WDFY4: variants seen among roughly 807,000 people sequenced by gnomAD.
The protein encoded by WDFY4 is WD repeat- and FYVE domain-containing protein 4.
Under a neutral mutation model 351.9 loss-of-function variants are expected in WDFY4, and 169 were observed. The observed-to-expected ratio is 0.48, with a 90% CI of 0.42 to 0.55. WDFY4 has a LOEUF of 0.55. WDFY4 is among the 20% of genes least tolerant of loss of function. The pLI, the probability that WDFY4 is intolerant of heterozygous loss-of-function variation, is 0.00. For synonymous variants in WDFY4, 1,622 were observed against 1,574.6 expected, an observed-to-expected ratio of 1.03 and a Z score of -0.71; for missense variants, 3,803 against 3,935.6, an observed-to-expected ratio of 0.97 and a Z score of 0.90.
At chr10:48,780,237 G>T (rs113792355) in intron 19 of WDFY4, 118 bp downstream of exon 19, 1 of 1,304,032 alleles carries the variant, frequency 7.7e-7, no homozygotes, top group African/African-American at 1.5e-5. Context: ...TTTATTACTG[G>T]TAGGGTTGGC....
chr10:48,943,307 C>T (rs1361074679), intron 48 of WDFY4, 23 bp from the exon 49 acceptor site: 1 of 1,550,848 alleles, frequency 6.4e-7, no homozygotes, highest in Non-Finnish European at 8.7e-7. Flanking sequence ...TTTGGTTTAT[C>T]CCCTTTCTGT....
intron 56 of WDFY4, among the ~76,000 whole-genome samples, chr10:48,969,867 A>G (rs559768192): frequency 6.6e-6 from 1 of 151,758 alleles, no homozygotes; most frequent in Admixed American, 6.6e-5. Flanking sequence ...CTCCCTCCTG[A>G]CCCCCAAGCT....
intron 1 of WDFY4, among the ~76,000 whole-genome samples, chr10:48,700,462 T>C (rs370502043): frequency 2.0e-5 from 3 of 152,244 alleles, no homozygotes; most frequent in East Asian, 3.8e-4. Context: ...TTGTTTACAA[T>C]AGTGTTCCTC....
At chr10:48,923,995 GTGA>G (rs1839351897) in intron 47 of WDFY4, among the ~76,000 whole-genome samples, 1 of 152,206 alleles carries the variant, frequency 6.6e-6, no homozygotes, top group South Asian at 2.1e-4. Context: ...CTGATGAATG[GTGA>G]TGAGGAAGCA....
intron 12 of WDFY4, among the ~76,000 whole-genome samples, chr10:48,748,106 C>T (rs2065068207): frequency 6.6e-6 from 1 of 152,180 alleles, no homozygotes; most frequent in African/African-American, 2.4e-5. Context: ...TGCCTGGGCA[C>T]CCTGATAACA....
chr10:48,822,550 C>A lies in WDFY4; in HGVS notation c.5982+13C>A. 1 of 1,520,660 alleles carries A rather than the reference C, an allele frequency of 6.6e-7. No homozygotes were observed. Among genetic ancestry groups the A allele is most frequent in the Non-Finnish European group, 8.9e-7 (1 of 1,127,660 alleles). The allele number at this position is 1,520,660 out of a possible 1,614,324, so 94.2% of individuals were successfully genotyped here. A position where few individuals can be genotyped will look rare whatever the true frequency, so the allele number is the denominator to read the frequency against. ...GCACATCATGGTGGTAAGAGCTGCTCACTGACCGGGTATCTGTGTGGATCT... is the reference window on the plus strand; with the variant it reads ...GCACATCATGGTGGTAAGAGCTGCTAACTGACCGGGTATCTGTGTGGATCT... On this transcript the variant is annotated intron_variant, in intron 35 of 61. Coordinates refer to ENST00000325239, the MANE Select transcript of WDFY4 (RefSeq NM_001394531.1).
At position 48,828,862 on chromosome 10, in the gene WDFY4, A is replaced by C. The variant is rs776343288; in HGVS notation, c.6306A>C (p.Lys2102Asn). ...QVFLSPNEDV[K>N]EKREDLPSLS... ...TCCTTTCCCCAAATGAAGACGTGAA[A>C]GAAAAAAGAGAAGACTTACCAAGTT... Residue 2102 changes from lysine (K) to asparagine (N), a missense_variant, in exon 37 of 62, where the codon AAA (lysine) becomes AAC (asparagine). Lys to Asn is a moderately conservative substitution (Grantham distance 94). Around this residue, in one of 3 missense-constraint regions of WDFY4, gnomAD observed 3,054 missense variants for 3,148.6 expected, o/e 0.97. Transcript: ENST00000325239. The C allele has an allele frequency of 6.7e-7, 1 of 1,485,756 alleles. No homozygotes were observed. The highest frequency in any genetic ancestry group is 1.2e-5 in the South Asian group (1 of 82,052). 92.0% of individuals were successfully genotyped at this position (1,485,756 alleles called of 1,614,324 possible).
chr10:48,710,760 C>T (rs1188172796), intron 2 of WDFY4, among the ~76,000 whole-genome samples: 1 of 152,232 alleles, frequency 6.6e-6, no homozygotes, highest in African/African-American at 2.4e-5. Context: ...AGCACCAGAG[C>T]TTCACTCACA....
intron 12 of WDFY4, chr10:48,745,602 C>T: frequency 3.8e-6 from 2 of 522,828 alleles, no homozygotes; most frequent in Non-Finnish European, 3.6e-6. Context: ...TCTTTTTGGC[C>T]TGTTTCTGCA....
chr10:48,943,598 C>CTT (rs373976945), intron 49 of WDFY4, 149 bp downstream of exon 49: 987 of 643,172 alleles, frequency 1.5e-3, no homozygotes, highest in East Asian at 2.1e-3. Context: ...GCTCAGATCT[C>CTT]TTTTTTTTTT....
chr10:48,690,246 G>A (rs930784215), intron 1 of WDFY4, among the ~76,000 whole-genome samples: 3 of 152,236 alleles, frequency 2.0e-5, no homozygotes, highest in South Asian at 2.1e-4. Flanking sequence ...GATCCATCAG[G>A]AGGATGCTCC....
At position 48,727,615 on chromosome 10, in the gene WDFY4, T is replaced by G; in HGVS notation, c.927T>G (p.Phe309Leu). 6.4e-7 allele frequency: 1 copy of G among 1,552,028 alleles called. No individual in the cohort carries two copies. The highest frequency in any genetic ancestry group is 8.7e-7 in the Non-Finnish European group (1 of 1,147,064). Residue 309 changes from phenylalanine (F) to leucine (L), a missense_variant, in exon 7 of 62, where the codon TTT becomes TTG. Physicochemically the swap from Phe to Leu is conservative, Grantham distance 22 (BLOSUM62 0). Coordinates refer to ENST00000325239, the MANE Select transcript of WDFY4 (RefSeq NM_001394531.1). Reference protein sequence around the residue: ...YPVSSALFLEFENSEGYPLLL... With the variant: ...YPVSSALFLELENSEGYPLLL... ...TCTCCTCGGCTCTGTTCCTGGAGTT[T>G]GAGAATTCAGAGGGCTATCCTCTGC... is the stretch of plus-strand genomic sequence containing the variant.
rs1263468849 is a variant in WDFY4 at position 48,830,766 on chromosome 10, C to A, written c.6407C>A (p.Thr2136Asn). 5.8e-6 allele frequency: 9 copies of A among 1,551,686 alleles called. No homozygotes were observed. The highest frequency in any genetic ancestry group is 7.8e-6 in the Non-Finnish European group (9 of 1,146,970). Reference sequence around the variant, plus strand: ...CAGCTGGTGGCACAAAGGCAGCAGACCCTGGAGGATGCCTTCAAGATCGAT... The same window carrying A: ...CAGCTGGTGGCACAAAGGCAGCAGAACCTGGAGGATGCCTTCAAGATCGAT... ...WQQLVAQRQQ[T>N]LEDAFKIDLS... The change falls in exon 38 of 62, where the codon ACC becomes AAC. Residue 2136 changes from threonine to asparagine, a missense_variant. Physicochemically the swap from Thr to Asn is moderately conservative, Grantham distance 65. This residue lies in a region of WDFY4 where 3,054 missense variants were observed against 3,148.6 expected (regional missense o/e 0.97). Transcript: ENST00000325239.
At chr10:48,949,793 T>A (rs927162129) in intron 51 of WDFY4, among the ~76,000 whole-genome samples, 1 of 152,136 alleles carries the variant, frequency 6.6e-6, no homozygotes, top group Non-Finnish European at 1.5e-5. Flanking sequence ...GAGACATACG[T>A]GGTGAGCCTG....
At position 48,820,274 on chromosome 10, in the gene WDFY4, A is replaced by G. The variant is rs1010013999; in HGVS notation, c.5546A>G (p.Glu1849Gly). Residue 1849 changes from glutamate (E) to glycine (G), a missense_variant, in exon 33 of 62, where the codon GAG (glutamate) becomes GGG (glycine). Transcript: ENST00000325239. ...AESTRNTSSP[E>G]AAAEGDSTVE... is the part of the protein sequence containing the mutation. The stretch of plus-strand genomic sequence containing the variant: ...TCCACCCGGAACACCAGCAGTCCTG[A>G]GGCCGCAGCTGAAGGCGACAGCACA... 3 of 1,551,640 alleles carry G rather than the reference A, an allele frequency of 1.9e-6. No individual in the cohort carries two copies. Among genetic ancestry groups the G allele is most frequent in the Non-Finnish European group, 1.7e-6 (2 of 1,146,980 alleles).
intron 47 of WDFY4, among the ~76,000 whole-genome samples, chr10:48,936,566 G>C (rs1840372024): frequency 6.6e-6 from 1 of 151,934 alleles, no homozygotes; most frequent in African/African-American, 2.4e-5. Context: ...GGCCAGGTGT[G>C]GTGGCTCATG....
intron 39 of WDFY4, among the ~76,000 whole-genome samples, chr10:48,858,593 C>A (rs563162724): frequency 6.6e-6 from 1 of 152,304 alleles, no homozygotes; most frequent in South Asian, 2.1e-4. Flanking sequence ...CGCACATTCT[C>A]AATTACTGTA....
At chr10:48,722,296 G>A (rs2064116439) in intron 4 of WDFY4, among the ~76,000 whole-genome samples, 1 of 152,212 alleles carries the variant, frequency 6.6e-6, no homozygotes, top group Admixed American at 6.5e-5. Flanking sequence ...CATCACATGT[G>A]CCCCTGGGGG....
chr10:48,711,327 G>A (rs568928225), intron 2 of WDFY4, among the ~76,000 whole-genome samples: 1 of 152,322 alleles, frequency 6.6e-6, no homozygotes, highest in East Asian at 1.9e-4. Flanking sequence ...GGCTAGATTA[G>A]TAAAGATAGC....
Sources: gnomAD v4.1 joint callset for allele counts (sites outside exome capture counted in the v4.1 genomes callset) on GRCh38, gnomAD v4.1.1 for gene constraint, gnomAD v4.1.1 regional missense constraint, MANE v1.5 for transcripts, NCBI Gene and HGNC (gene_info 2026-07-23, HGNC 2026-07-21) for gene names.